The following SNTG1 variants were observed in gnomAD, a reference collection of about 807,000 sequenced individuals.
SNTG1 encodes gamma-1-syntrophin.
A neutral mutation model predicts 74.7 loss-of-function variants in SNTG1; 39 were observed. The ratio of observed to expected loss-of-function variants is 0.52; its 90% CI spans 0.40 to 0.68. SNTG1 has a LOEUF of 0.68. SNTG1 is among the 30% of genes least tolerant of loss of function. The probability of loss-of-function intolerance (pLI) is 0.00; values close to 1 mark genes in which losing one functional copy is unlikely to be tolerated. For missense variants in SNTG1, 685 were observed against 609.5 expected, an observed-to-expected ratio of 1.12 and a Z score of -1.30; for synonymous variants, 254 against 217.1, an observed-to-expected ratio of 1.17 and a Z score of -1.49.
chr8:49,982,746 G>A (rs1172884360), intron 1 of SNTG1, among the ~76,000 whole-genome samples: 1 of 151,638 alleles, frequency 6.6e-6, no homozygotes, highest in East Asian at 1.9e-4. Flanking sequence ...ACCTAGTATA[G>A]TTTAGATCAT....
chr8:50,444,751 G>GAA (rs35569528), intron 5 of SNTG1, among the ~76,000 whole-genome samples: 4 of 26,036 alleles, frequency 1.5e-4, no homozygotes, highest in East Asian at 1.5e-3. Flanking sequence ...CTCCATCTCA[G>GAA]AAAAAAAAAA....
intron 12 of SNTG1, among the ~76,000 whole-genome samples, chr8:50,583,033 T>A (rs2094621378): frequency 6.6e-6 from 1 of 152,112 alleles, no homozygotes; most frequent in South Asian, 2.1e-4. Flanking sequence ...CTTAAAAAAA[T>A]AAGAACTTAA....
At chr8:50,754,069 C>T (rs2095574184) in intron 18 of SNTG1, among the ~76,000 whole-genome samples, 1 of 151,916 alleles carries the variant, frequency 6.6e-6, no homozygotes, top group African/African-American at 2.4e-5. Flanking sequence ...GGAAGCAGGA[C>T]ATTTGCTAAC....
chr8:50,550,999 T>C (rs900146592), intron 11 of SNTG1, among the ~76,000 whole-genome samples: 2 of 152,116 alleles, frequency 1.3e-5, no homozygotes, highest in African/African-American at 4.8e-5. Context: ...TTCAAGGGAA[T>C]ATTATACATA....
intron 2 of SNTG1, among the ~76,000 whole-genome samples, chr8:50,352,948 A>T (rs372630963): frequency 2.0e-5 from 3 of 152,114 alleles, no homozygotes; most frequent in South Asian, 4.1e-4. Context: ...ATAGAGACAC[A>T]CACACACGTA....
intron 9 of SNTG1, among the ~76,000 whole-genome samples, chr8:50,508,322 G>A (rs929864390): frequency 6.6e-6 from 1 of 152,110 alleles, no homozygotes; most frequent in Non-Finnish European, 1.5e-5. Flanking sequence ...GTCTATCATT[G>A]TTGGATATTT....
chr8:50,224,124 A>C (rs2085206994), intron 2 of SNTG1, among the ~76,000 whole-genome samples: 1 of 152,228 alleles, frequency 6.6e-6, no homozygotes, highest in South Asian at 2.1e-4. Context: ...AAGACATATA[A>C]GACCTACATA....
At chr8:50,343,324 T>A (rs946740811) in intron 2 of SNTG1, among the ~76,000 whole-genome samples, 1 of 152,222 alleles carries the variant, frequency 6.6e-6, no homozygotes, top group Non-Finnish European at 1.5e-5. Context: ...AAGACGTTTA[T>A]ATCCTTACCA....
intron 1 of SNTG1, among the ~76,000 whole-genome samples, chr8:49,964,094 C>A (rs1810934463): frequency 6.6e-6 from 1 of 152,120 alleles, no homozygotes; most frequent in South Asian, 2.1e-4. Flanking sequence ...TTGTCTAGGC[C>A]ACAGTACCTA....
chr8:50,318,912 T>G (rs561991112), intron 2 of SNTG1, among the ~76,000 whole-genome samples: 1 of 152,078 alleles, frequency 6.6e-6, no homozygotes, highest in African/African-American at 2.4e-5. Context: ...ATTCTTACGT[T>G]TTATCAATAG....
intron 11 of SNTG1, among the ~76,000 whole-genome samples, chr8:50,538,572 T>C (rs2094324197): frequency 6.6e-6 from 1 of 152,176 alleles, no homozygotes; most frequent in African/African-American, 2.4e-5. Context: ...AAGTAATATG[T>C]TCTTTCCCTC....
intron 2 of SNTG1, among the ~76,000 whole-genome samples, chr8:50,269,683 T>G (rs185693240): frequency 6.6e-6 from 1 of 152,120 alleles, no homozygotes; most frequent in African/African-American, 2.4e-5. Flanking sequence ...CTTTTAGTAC[T>G]GACCACGTAC....
At chr8:50,444,433 A>C (rs2093386611) in intron 5 of SNTG1, among the ~76,000 whole-genome samples, 1 of 152,080 alleles carries the variant, frequency 6.6e-6, no homozygotes, top group Non-Finnish European at 1.5e-5. Context: ...TCTAGACAAA[A>C]TGAATATGTC....
At chr8:50,543,560 T>C (rs1048291231) in intron 11 of SNTG1, among the ~76,000 whole-genome samples, 4 of 152,128 alleles carry the variant, frequency 2.6e-5, no homozygotes, top group African/African-American at 7.2e-5. Flanking sequence ...TGATATCCTA[T>C]GGTATAGATG....
chr8:50,693,229 C>T (rs955080224), intron 15 of SNTG1, among the ~76,000 whole-genome samples: 28 of 152,256 alleles, frequency 1.8e-4, no homozygotes, highest in Non-Finnish European at 2.9e-4. Flanking sequence ...CGCCCTGCTT[C>T]GGCTTGTGCA....
At chr8:50,022,298 T>C (rs1353105237) in intron 1 of SNTG1, among the ~76,000 whole-genome samples, 2 of 152,160 alleles carry the variant, frequency 1.3e-5, no homozygotes, top group Non-Finnish European at 2.9e-5. Flanking sequence ...TTGTGCAAAA[T>C]GCTTTGTGTT....
At chr8:50,743,174 C>T (rs911529765) in intron 17 of SNTG1, among the ~76,000 whole-genome samples, 12 of 150,774 alleles carry the variant, frequency 8.0e-5, no homozygotes, top group African/African-American at 2.9e-4. Context: ...TACCTTGACA[C>T]CAAAGCCAGA....
At chr8:50,529,952 C>G (rs1265002071) in intron 9 of SNTG1, among the ~76,000 whole-genome samples, 1 of 150,320 alleles carries the variant, frequency 6.7e-6, no homozygotes, top group Non-Finnish European at 1.5e-5. Flanking sequence ...CTTAATGTTT[C>G]TGAAATCAAA....
intron 8 of SNTG1, among the ~76,000 whole-genome samples, chr8:50,461,731 G>GTTTGTTTGT (rs1554534413): frequency 1.3e-3 from 203 of 151,046 alleles, no homozygotes; most frequent in South Asian, 5.4e-3. Context: ...TTGTTTGTTT[G>GTTTGTTTGT]TTTGTTTTGT....
Sources: allele counts gnomAD v4.1 joint callset (sites outside exome capture counted in the v4.1 genomes callset), GRCh38; gene constraint gnomAD v4.1.1; transcripts MANE v1.5; gene names NCBI Gene and HGNC (gene_info 2026-07-23, HGNC 2026-07-21).